Variants in RHOBTB3 observed in about 807,000 individuals in gnomAD.
RHOBTB3 encodes the protein Rho related BTB domain containing 3.
A neutral mutation model predicts 67.2 loss-of-function variants in RHOBTB3; 47 were observed. The observed-to-expected ratio is 0.70, with a 90% CI of 0.55 to 0.89. The LOEUF (loss-of-function observed/expected upper bound fraction) is 0.89, where lower values mean the gene tolerates loss of function less well. Ranked by LOEUF, RHOBTB3 falls within the 40% of genes least tolerant of loss-of-function variation. RHOBTB3 has a pLI of 0.00. For missense variants in RHOBTB3, 631 were observed against 750.0 expected, an observed-to-expected ratio of 0.84 and a Z score of 1.85; for synonymous variants, 273 against 274.2, an observed-to-expected ratio of 1.00 and a Z score of 0.04.
Position 95,793,159 on chromosome 5 carries a change from T to C in RHOBTB3, c.1821T>C (p.Arg607=). The C allele has an allele frequency of 6.2e-7, 1 of 1,609,600 alleles. No individual in the cohort carries two copies. Among genetic ancestry groups the C allele is most frequent in the Non-Finnish European group, 8.5e-7 (1 of 1,176,950 alleles). Residue 607 remains arginine, a synonymous_variant, in exon 12 of 12, where the codon CGT becomes CGC. Transcript: ENST00000379982. Reference sequence around the variant, plus strand: ...AGTATATTCACTCCCGGAAATGTCGTTGCTTAGTAATGTAACCTGGAGCTT... The same window carrying C: ...AGTATATTCACTCCCGGAAATGTCGCTGCTTAGTAATGTAACCTGGAGCTT... ...YRKYIHSRKC[R]CLVM
At chr5:95,741,687 G>A (rs1207199326) in intron 3 of RHOBTB3, among the ~76,000 whole-genome samples, 2 of 151,916 alleles carry the variant, frequency 1.3e-5, no homozygotes, top group Admixed American at 1.3e-4. Flanking sequence ...GGAGCAGTAC[G>A]CCCAGTGGGT....
At chr5:95,728,123 C>A (rs144477894), upstream of RHOBTB3, among the ~76,000 whole-genome samples, 3 of 152,172 alleles carry the variant, frequency 2.0e-5, no homozygotes, top group Non-Finnish European at 2.9e-5. Context: ...AGTTGAGAAA[C>A]GTCATTTAGC....
intron 3 of RHOBTB3, among the ~76,000 whole-genome samples, chr5:95,745,746 C>G (rs966943044): frequency 6.6e-6 from 1 of 152,090 alleles, no homozygotes; most frequent in Non-Finnish European, 1.5e-5. Flanking sequence ...TTCAGAGTCA[C>G]GTGACCATGC....
intron 1 of RHOBTB3, among the ~76,000 whole-genome samples, chr5:95,721,882 C>T (rs1198840464): frequency 6.6e-6 from 1 of 152,106 alleles, no homozygotes; most frequent in East Asian, 1.9e-4. Context: ...AGGGGTAGAA[C>T]TGCCAACCTA....
chr5:95,733,675 C>A (rs1755371674), intron 2 of RHOBTB3, among the ~76,000 whole-genome samples: 1 of 152,110 alleles, frequency 6.6e-6, no homozygotes, highest in South Asian at 2.1e-4. Context: ...ATTTAAGGCA[C>A]CAAGTTTGTA....
At chr5:95,756,221 A>G (rs1177062519) in intron 6 of RHOBTB3, 1 of 157,112 alleles carries the variant, frequency 6.4e-6, no homozygotes, top group Non-Finnish European at 1.4e-5. Context: ...TGTGATTTTA[A>G]CTCTCCTAAG....
At chr5:95,718,914 G>T (rs1209980604) in intron 1 of RHOBTB3, among the ~76,000 whole-genome samples, 1 of 152,204 alleles carries the variant, frequency 6.6e-6, no homozygotes, top group Non-Finnish European at 1.5e-5. Context: ...TGGAAACAGG[G>T]TAGAAGGCTG....
chr5:95,729,846 T>A (rs1257452597), upstream of RHOBTB3, among the ~76,000 whole-genome samples: 2 of 152,262 alleles, frequency 1.3e-5, no homozygotes, highest in Non-Finnish European at 2.9e-5. Context: ...TATGAAGGAA[T>A]TTTCTTCTTT....
chr5:95,723,875 G>A (rs565392671), intron 1 of RHOBTB3, among the ~76,000 whole-genome samples: 2 of 152,030 alleles, frequency 1.3e-5, no homozygotes. Context: ...TTTTTTGACC[G>A]AGCACCCCAT....
chr5:95,735,545 G>A (rs1482478685), intron 2 of RHOBTB3, among the ~76,000 whole-genome samples: 1 of 152,144 alleles, frequency 6.6e-6, no homozygotes, highest in African/African-American at 2.4e-5. Context: ...TGTTAACCCT[G>A]TTTTAGACTC....
upstream of RHOBTB3, among the ~76,000 whole-genome samples, chr5:95,726,027 C>A (rs1755043962): frequency 6.6e-6 from 1 of 152,122 alleles, no homozygotes; most frequent in Non-Finnish European, 1.5e-5. Context: ...TATTGGAACA[C>A]AATGTAGTAA....
intron 8 of RHOBTB3, among the ~76,000 whole-genome samples, chr5:95,774,502 G>A (rs1480533081): frequency 3.3e-5 from 5 of 151,932 alleles, no homozygotes; most frequent in South Asian, 2.1e-4. Flanking sequence ...GTAAATTTAG[G>A]TATCTCCTTT....
intron 8 of RHOBTB3, among the ~76,000 whole-genome samples, chr5:95,775,431 T>C (rs1745844463): frequency 6.7e-6 from 1 of 149,094 alleles, no homozygotes; most frequent in African/African-American, 2.4e-5. Context: ...TACACATATA[T>C]ATACTATTAA....
At chr5:95,758,132 A>G (rs993762675) in intron 6 of RHOBTB3, among the ~76,000 whole-genome samples, 4 of 152,194 alleles carry the variant, frequency 2.6e-5, no homozygotes, top group South Asian at 2.1e-4. Flanking sequence ...CCTTTTTAAC[A>G]TAGTAGCAGT....
Position 95,780,365 on chromosome 5 carries a change from GT to G in RHOBTB3, c.1399del (p.Ser467ProfsTer9). ...AKSVLIPVYG[V>X]SKETFLSFLE... Reference sequence around the variant, plus strand: ...GAGTGTCCTGATTCCCGTTTATGGTGTTTCCAAAGAGACTTTCTTGTCATTT... The same window carrying G: ...GAGTGTCCTGATTCCCGTTTATGGTGTTCCAAAGAGACTTTCTTGTCATTT... On this transcript the variant is annotated frameshift_variant, in exon 9 of 12. Transcript: ENST00000379982. LOFTEE classifies it high-confidence loss of function. The G allele has an allele frequency of 6.2e-7, 1 of 1,614,092 alleles. No individual in the cohort carries two copies. Among genetic ancestry groups the G allele is most frequent in the Non-Finnish European group, 8.5e-7 (1 of 1,179,914 alleles).
At chr5:95,731,772 G>T (rs1019137973) in intron 1 of RHOBTB3, 87 bp from the exon 2 acceptor site, 3 of 1,605,064 alleles carry the variant, frequency 1.9e-6, no homozygotes, top group South Asian at 1.1e-5. Flanking sequence ...TCCTCGCCGC[G>T]CGCTGTCCCC....
chr5:95,737,692 T>G (rs554702643), intron 3 of RHOBTB3, among the ~76,000 whole-genome samples: 3 of 152,334 alleles, frequency 2.0e-5, no homozygotes, highest in Admixed American at 2.0e-4. Flanking sequence ...TTTTTAAAAT[T>G]TTATTTTTAC....
At chr5:95,789,716 G>A (rs1170113953) in intron 11 of RHOBTB3, 1 of 152,134 alleles carries the variant, frequency 6.6e-6, no homozygotes, top group Non-Finnish European at 1.5e-5. Flanking sequence ...GTAAGGGAAA[G>A]GGAAAGAGAA....
chr5:95,786,456 A>G (rs1198552531), intron 10 of RHOBTB3, among the ~76,000 whole-genome samples: 4 of 152,260 alleles, frequency 2.6e-5, no homozygotes, highest in South Asian at 2.1e-4. Flanking sequence ...AACCTCTCTC[A>G]GTTCTTTACC....
Sources: gnomAD v4.1 joint callset for allele counts (sites outside exome capture counted in the v4.1 genomes callset) on GRCh38, gnomAD v4.1.1 for gene constraint, MANE v1.5 for transcripts, NCBI Gene and HGNC (gene_info 2026-07-23, HGNC 2026-07-21) for gene names.